APCDD1: variants seen among roughly 807,000 people sequenced by gnomAD.
The protein encoded by APCDD1 is APC down-regulated 1.
A neutral mutation model predicts 38.1 loss-of-function variants in APCDD1; 15 were observed. The observed-to-expected ratio is 0.39, with a 90% CI of 0.26 to 0.61. The LOEUF (loss-of-function observed/expected upper bound fraction) is 0.61. Ranked by LOEUF, APCDD1 falls within the 20% of genes least tolerant of loss-of-function variation. The pLI is 0.49. For missense variants in APCDD1, 647 were observed against 696.2 expected (o/e 0.93, Z 0.79); for synonymous variants, 261 against 279.7 (o/e 0.93, Z 0.67).
chr18:10,480,109 TC>T (rs1335895161), intron 3 of APCDD1, among the ~76,000 whole-genome samples: 2 of 152,148 alleles, frequency 1.3e-5, no homozygotes, highest in African/African-American at 4.8e-5. Context: ...AATAGCCCTT[TC>T]TAAGATTCGG....
chr18:10,484,393 CCTAA>C (rs2031204426), intron 3 of APCDD1, among the ~76,000 whole-genome samples: 1 of 152,212 alleles, frequency 6.6e-6, no homozygotes, highest in Non-Finnish European at 1.5e-5. Flanking sequence ...CTTTGTGTCT[CCTAA>C]CTTTTTTTAT....
At chr18:10,484,401 T>A (rs1389982061) in intron 3 of APCDD1, among the ~76,000 whole-genome samples, 2 of 152,272 alleles carry the variant, frequency 1.3e-5, no homozygotes, top group African/African-American at 4.8e-5. Flanking sequence ...CTCCTAACTT[T>A]TTTTATTAAA....
intron 3 of APCDD1, among the ~76,000 whole-genome samples, chr18:10,480,619 G>C (rs1361383077): frequency 6.6e-6 from 1 of 152,126 alleles, no homozygotes; most frequent in African/African-American, 2.4e-5. Flanking sequence ...CCAGCACTTG[G>C]GGAGGCTGAG....
intron 1 of APCDD1, among the ~76,000 whole-genome samples, chr18:10,462,185 A>G (rs949212642): frequency 2.0e-5 from 3 of 152,216 alleles, no homozygotes; most frequent in African/African-American, 7.2e-5. Flanking sequence ...ACTTAGCATT[A>G]TATATAATAA....
In APCDD1 at chr18:10,472,156, G is replaced by A. The variant is rs1598397566; in HGVS notation, c.774+95G>A. On this transcript the variant is annotated intron_variant, in intron 3 of 4. Coordinates refer to ENST00000355285, the MANE Select transcript of APCDD1 (RefSeq NM_153000.5). The surrounding 1 kb of genome is among the most constrained non-coding windows in gnomAD (Gnocchi z 6.6). ...GGGGCTCTAGGGCACCCTTGAAAGG[G>A]GGAATTCTGCATCATGGCGGGGCAG... 6.4e-7 allele frequency: 1 copy of A among 1,550,798 alleles called. No individual in the cohort carries two copies. The highest frequency in any genetic ancestry group is 8.8e-7 in the Non-Finnish European group (1 of 1,131,540).
chr18:10,473,436 C>T (rs2030913246), intron 3 of APCDD1, among the ~76,000 whole-genome samples: 1 of 152,198 alleles, frequency 6.6e-6, no homozygotes, highest in South Asian at 2.1e-4. Context: ...AGATCAGGAG[C>T]CAGGCTCATT....
In APCDD1 at chr18:10,487,824, G is replaced by C. The variant is rs1464971350; in HGVS notation, c.1331G>C (p.Ser444Thr). Reference sequence around the variant, plus strand: ...CTGCTGTTCAACGGTCAGAGGCCCAGCGACGGGTCCAGCCCAGACAGGCCA... The same window carrying C: ...CTGCTGTTCAACGGTCAGAGGCCCACCGACGGGTCCAGCCCAGACAGGCCA... ...RYLLFNGQRPSDGSSPDRPEK... is the reference protein window; with the variant it reads ...RYLLFNGQRPTDGSSPDRPEK... Residue 444 changes from serine (S) to threonine (T), a missense_variant, in exon 5 of 5, where the codon AGC (serine) becomes ACC (threonine). Coordinates refer to ENST00000355285, the MANE Select transcript of APCDD1 (RefSeq NM_153000.5). 5.0e-6 allele frequency: 8 copies of C among 1,614,068 alleles called. No individual in the cohort carries two copies. The highest frequency in any genetic ancestry group is 5.1e-6 in the Non-Finnish European group (6 of 1,180,042).
At chr18:10,473,827 A>C (rs1163673908) in intron 3 of APCDD1, among the ~76,000 whole-genome samples, 3 of 151,716 alleles carry the variant, frequency 2.0e-5, no homozygotes, top group Non-Finnish European at 4.4e-5. Flanking sequence ...CTCTTGTTTT[A>C]TACTGGCCAG....
intron 1 of APCDD1, among the ~76,000 whole-genome samples, chr18:10,466,777 T>C (rs1383222337): frequency 6.6e-6 from 1 of 152,194 alleles, no homozygotes; most frequent in Non-Finnish European, 1.5e-5. Context: ...AGTTTTCATG[T>C]TTAGAGTTTG....
In APCDD1 at chr18:10,467,303, A is replaced by G. The variant is rs1359504918; in HGVS notation, c.59-1166A>G. ...GCTATTTATGTGTTGATTAAAAAAT[A>G]TAATTGCTTCCTCACCAGTAGCATT... On this transcript the variant is annotated intron_variant, in intron 1 of 4. Coordinates refer to ENST00000355285, the MANE Select transcript of APCDD1 (RefSeq NM_153000.5). This position sits in a 1 kb window ranked among gnomAD's most constrained non-coding sequence, Gnocchi z 4.8. Among the ~76,000 whole-genome samples, 2 of 152,226 alleles carry G rather than the reference A, an allele frequency of 1.3e-5. No individual in the cohort carries two copies. The highest frequency in any genetic ancestry group is 2.9e-5 in the Non-Finnish European group (2 of 68,030).
In APCDD1 at chr18:10,487,723, C is replaced by T. The variant is rs139112764; in HGVS notation, c.1230C>T (p.Cys410=). 107 of 1,613,974 alleles carry T rather than the reference C, an allele frequency of 6.6e-5. No homozygotes were observed. The highest frequency in any genetic ancestry group is 7.9e-5 in the Non-Finnish European group (93 of 1,180,030). The change falls in exon 5 of 5, where the codon TGC becomes TGT. Residue 410 remains cysteine, a synonymous_variant. Transcript: ENST00000355285. ...IQQDVTHTNG[C]VALGIKLPHT... is the part of the protein sequence containing the mutation. ...AGGATGTGACCCACACCAATGGCTG[C>T]GTGGCCCTGGGCATCAAACTACCTC...
At chr18:10,455,127 G>T in intron 1 of APCDD1, 88 bp downstream of exon 1, 1 of 1,533,032 alleles carries the variant, frequency 6.5e-7, no homozygotes. Flanking sequence ...GGTCTGGATC[G>T]CGGCACGGCC....
At chr18:10,462,725 C>T (rs1025687577) in intron 1 of APCDD1, among the ~76,000 whole-genome samples, 21 of 149,436 alleles carry the variant, frequency 1.4e-4, no homozygotes, top group Non-Finnish European at 3.0e-4. Flanking sequence ...TTTGGTAATT[C>T]TTTCCCCCAC....
Position 10,468,465 on chromosome 18 carries a change from T to C in APCDD1, c.59-4T>C, listed in dbSNP as rs780843389. On this transcript the variant is annotated splice_region_variant and splice_polypyrimidine_tract_variant and intron_variant, in intron 1 of 4. Transcript: ENST00000355285. Reference sequence around the variant, plus strand: ...TTGGCTAACTTTCCACCTTTATTTTTCAGGGCTGGGAGAGGGTTCTGCCCT... The same window carrying C: ...TTGGCTAACTTTCCACCTTTATTTTCCAGGGCTGGGAGAGGGTTCTGCCCT... 18 of 1,614,194 alleles carry C rather than the reference T, an allele frequency of 1.1e-5. No individual in the cohort carries two copies. Among genetic ancestry groups the C allele is most frequent in the Non-Finnish European group, 1.4e-5 (16 of 1,180,044 alleles).
rs2031286326 is a variant in APCDD1, at chr18:10,487,966, G to A, written c.1473G>A (p.Arg491=). The change falls in exon 5 of 5, where the codon AGG becomes AGA. Residue 491 remains arginine, a synonymous_variant. Transcript: ENST00000355285. ...GSSLYGRAPG[R]HTWSLLLAAL... is the part of the protein sequence containing the mutation. ...GCCTGTATGGCCGGGCCCCTGGGAG[G>A]CACACCTGGTCCCTGCTGCTGGCTG... is the stretch of plus-strand genomic sequence containing the variant. 6.2e-6 allele frequency: 10 copies of A among 1,613,874 alleles called. No individual in the cohort carries two copies. The highest frequency in any genetic ancestry group is 8.5e-6 in the Non-Finnish European group (10 of 1,179,986).
intron 3 of APCDD1, among the ~76,000 whole-genome samples, chr18:10,484,227 G>C (rs1244852782): frequency 6.6e-6 from 1 of 152,248 alleles, no homozygotes; most frequent in Non-Finnish European, 1.5e-5. Flanking sequence ...GGCAGACCGG[G>C]ACAGAGGGCA....
rs977313698 is a variant in APCDD1 at position 10,469,529 on chromosome 18, A to C, written c.242+877A>C. 6.6e-6 allele frequency among the ~76,000 whole-genome samples: 1 copy of C among 152,196 alleles called. No individual in the cohort carries two copies. Among genetic ancestry groups the C allele is most frequent in the African/African-American group, 2.4e-5 (1 of 41,442 alleles). On this transcript the variant is annotated intron_variant, in intron 2 of 4. Coordinates refer to ENST00000355285, the MANE Select transcript of APCDD1 (RefSeq NM_153000.5). The surrounding 1 kb of genome is among the most constrained non-coding windows in gnomAD (Gnocchi z 5.5). ...ATTTATTGAGTGCCTACCATATGCCAAACACTATTTTAAGTTTTGTTTATA... is the reference window on the plus strand; with the variant it reads ...ATTTATTGAGTGCCTACCATATGCCCAACACTATTTTAAGTTTTGTTTATA...
At chr18:10,459,961 A>C (rs77134874) in intron 1 of APCDD1, among the ~76,000 whole-genome samples, 42,753 of 152,136 alleles carry the variant, frequency 0.28, 6,125 homozygotes, top group Non-Finnish European at 0.31. Flanking sequence ...TAAGCTCTCC[A>C]TAATGGTTGA....
In APCDD1 at chr18:10,485,509, C is replaced by G. The variant is rs369608898; in HGVS notation, c.822C>G (p.Asp274Glu). The change falls in exon 4 of 5, where the codon GAC becomes GAG. Residue 274 changes from aspartate (D) to glutamate (E), a missense_variant. By Grantham distance (45) the Asp-to-Glu change is conservative (BLOSUM62 2). Transcript: ENST00000355285. The surrounding 1 kb of genome is among the most constrained non-coding windows in gnomAD (Gnocchi z 5.8). Reference protein sequence around the residue: ...CIACRIIYRSDEHHPPILPPK... With the variant: ...CIACRIIYRSEEHHPPILPPK... ...CCTGTCGGATCATCTATCGGTCAGACGAGCACCACCCTCCCATCCTGCCCC... is the reference window on the plus strand; with the variant it reads ...CCTGTCGGATCATCTATCGGTCAGAGGAGCACCACCCTCCCATCCTGCCCC... 9 of 1,614,148 alleles carry G rather than the reference C, an allele frequency of 5.6e-6. No individual in the cohort carries two copies. Among genetic ancestry groups the G allele is most frequent in the Non-Finnish European group, 6.8e-6 (8 of 1,180,026 alleles).
Sources: allele counts gnomAD v4.1 joint callset (sites outside exome capture counted in the v4.1 genomes callset), GRCh38; gene constraint gnomAD v4.1.1; non-coding constraint Gnocchi (gnomAD v3.1); transcripts MANE v1.5; gene names NCBI Gene and HGNC (gene_info 2026-07-23, HGNC 2026-07-21).